Variants in DST observed in about 807,000 individuals in gnomAD.
DST encodes the protein dystonin.
A neutral mutation model predicts 875.2 loss-of-function variants in DST; 253 were observed. The ratio of observed to expected loss-of-function variants is 0.29; its 90% CI spans 0.26 to 0.32. The LOEUF is 0.32. DST is among the 10% of genes least tolerant of loss of function. The pLI, the probability that DST is intolerant of heterozygous loss-of-function variation, is 1.00. For synonymous variants in DST, 3,124 were observed against 3,197.1 expected (o/e 0.98, Z 0.77); for missense variants, 8,287 against 9,111.6 (o/e 0.91, Z 3.68).
chr6:56,938,657 T>G (rs1212161390), intron 2 of DST, among the ~76,000 whole-genome samples: 2 of 152,216 alleles, frequency 1.3e-5, no homozygotes, highest in African/African-American at 4.8e-5. Flanking sequence ...AGGACTCTTC[T>G]CTACCCACTG....
intron 3 of DST, chr6:56,871,074 A>G (rs1262159966): frequency 2.0e-6 from 1 of 497,328 alleles, no homozygotes; most frequent in East Asian, 3.6e-5. Flanking sequence ...AAATGGACAG[A>G]CATTTTGCAG....
At chr6:56,716,138 G>C (rs951326127) in intron 5 of DST, among the ~76,000 whole-genome samples, 1 of 152,300 alleles carries the variant, frequency 6.6e-6, no homozygotes, top group African/African-American at 2.4e-5. Flanking sequence ...TGGCTGGAAA[G>C]TGTCTAGATA....
chr6:56,560,357 G>A lies in DST; in HGVS notation c.14377C>T (p.Leu4793=), dbSNP rs1425777280. The A allele has an allele frequency of 1.9e-6, 3 of 1,609,066 alleles. No individual in the cohort carries two copies. Among genetic ancestry groups the A allele is most frequent in the Non-Finnish European group, 8.5e-7 (1 of 1,177,392 alleles). The change falls in exon 58 of 104, where the codon CTG becomes TTG. Residue 4793 remains leucine (L), a synonymous_variant. Transcript: ENST00000680361. ...GGAGTATCTGGGTTCTCCTCCAACA[G>A]CTCTGTCAATTTGTCTTTCAACTCC... ...VQELKDKLTE[L]LEENPDTPEA...
intron 66 of DST, 101 bp downstream of exon 66, chr6:56,529,347 C>A: frequency 1.0e-6 from 1 of 993,864 alleles, no homozygotes; most frequent in Non-Finnish European, 1.4e-6. Flanking sequence ...TACAGCAATT[C>A]ATCGAAATCA....
At chr6:56,651,692 T>A (rs2098976607) in intron 10 of DST, among the ~76,000 whole-genome samples, 1 of 152,170 alleles carries the variant, frequency 6.6e-6, no homozygotes, top group African/African-American at 2.4e-5. Flanking sequence ...TCTTCTATAA[T>A]CCTAGTCATT....
At chr6:56,850,645 C>T (rs952261177) in intron 4 of DST, among the ~76,000 whole-genome samples, 21 of 152,168 alleles carry the variant, frequency 1.4e-4, no homozygotes, top group African/African-American at 5.1e-4. Context: ...CTGGAAGCAC[C>T]TCTCATGCAC....
At chr6:56,824,828 A>C (rs2099777936) in intron 4 of DST, among the ~76,000 whole-genome samples, 1 of 151,218 alleles carries the variant, frequency 6.6e-6, no homozygotes, top group Non-Finnish European at 1.5e-5. Context: ...CCGTCTGAGA[A>C]GTGAGGAGCG....
chr6:56,490,080 T>A (rs536862462), intron 85 of DST, among the ~76,000 whole-genome samples: 1 of 152,254 alleles, frequency 6.6e-6, no homozygotes, highest in South Asian at 2.1e-4. Flanking sequence ...GCTTGTAAAT[T>A]GATTTTTTAA....
rs571959942 is a variant in DST, at chr6:56,550,243, T to G, written c.16608+1941A>C. Among the ~76,000 whole-genome samples, 347 of 152,126 alleles carry G rather than the reference T, an allele frequency of 2.3e-3. 1 individual carries two copies. The highest frequency in any genetic ancestry group is 6.8e-3 in the Middle Eastern group (2 of 294). ...GCAGAGTATTTGTCTACTTGAAAAC[T>G]TTTTTTTCAAGTCACTGGGTTTCAA... On this transcript the variant is annotated intron_variant, in intron 61 of 103. Coordinates refer to ENST00000680361, the MANE Select transcript of DST (RefSeq NM_001374736.1).
intron 39 of DST, among the ~76,000 whole-genome samples, chr6:56,609,681 C>G (rs2098528057): frequency 6.6e-6 from 1 of 152,026 alleles, no homozygotes; most frequent in Non-Finnish European, 1.5e-5. Context: ...GAAGGCAAAC[C>G]ATGCTTTCTG....
At chr6:56,767,995 G>A (rs1194722082) in intron 4 of DST, among the ~76,000 whole-genome samples, 4 of 152,136 alleles carry the variant, frequency 2.6e-5, no homozygotes, top group Admixed American at 6.5e-5. Context: ...ATTAAAAGAT[G>A]AAGCTAAAGA....
chr6:56,732,666 G>A (rs1424720731), intron 5 of DST, among the ~76,000 whole-genome samples: 2 of 152,080 alleles, frequency 1.3e-5, no homozygotes, highest in African/African-American at 4.8e-5. Context: ...AATTGACCAC[G>A]CCAGTATCAA....
At chr6:56,538,190 A>G (rs1460738630) in intron 61 of DST, among the ~76,000 whole-genome samples, 1 of 152,048 alleles carries the variant, frequency 6.6e-6, no homozygotes, top group African/African-American at 2.4e-5. Flanking sequence ...GGGTCCCACT[A>G]TGTTGTCCAG....
At position 56,603,692 on chromosome 6, in the gene DST, A is replaced by C; in HGVS notation, c.10813T>G (p.Cys3605Gly). The C allele has an allele frequency of 6.2e-7, 1 of 1,601,360 alleles. No homozygotes were observed. The highest frequency in any genetic ancestry group is 8.5e-7 in the Non-Finnish European group (1 of 1,176,054). Residue 3605 changes from cysteine to glycine, a missense_variant, in exon 41 of 104, where the codon TGT (cysteine) becomes GGT (glycine). Cys to Gly is a radical substitution (Grantham distance 159). Transcript: ENST00000680361. ...TGCATTTTTTCAGTGTGCTGTAAAC[A>C]CTGCTGTAATTCACTGGAAAACTAA... Reference protein sequence around the residue: ...TEQFSSELQQCLQHTEKMHEY... With the variant: ...TEQFSSELQQGLQHTEKMHEY...
chr6:56,869,888 G>T (rs1192489263), intron 3 of DST, among the ~76,000 whole-genome samples: 1 of 151,864 alleles, frequency 6.6e-6, no homozygotes, highest in Non-Finnish European at 1.5e-5. Flanking sequence ...GTCTTGTTAT[G>T]TTGCCCAGGC....
intron 3 of DST, among the ~76,000 whole-genome samples, chr6:56,883,521 A>C (rs557377790): frequency 2.6e-5 from 4 of 152,322 alleles, no homozygotes; most frequent in Admixed American, 2.0e-4. Flanking sequence ...TTAATAATAA[A>C]TATCTAAAAT....
intron 4 of DST, among the ~76,000 whole-genome samples, chr6:56,746,183 C>T (rs2099571883): frequency 6.6e-6 from 1 of 151,860 alleles, no homozygotes. Context: ...TAGGATCTCC[C>T]TTTTTTTGTC....
intron 10 of DST, among the ~76,000 whole-genome samples, chr6:56,668,272 T>C (rs1354042425): frequency 6.6e-6 from 1 of 152,240 alleles, no homozygotes; most frequent in Non-Finnish European, 1.5e-5. Flanking sequence ...AATATGATGA[T>C]GGCTGTGTCT....
At chr6:56,784,608 T>C (rs958327917) in intron 4 of DST, among the ~76,000 whole-genome samples, 3 of 152,208 alleles carry the variant, frequency 2.0e-5, no homozygotes, top group African/African-American at 7.2e-5. Context: ...GTATTGGTTA[T>C]TGTAGTTATA....
Sources: gnomAD v4.1 joint callset for allele counts (sites outside exome capture counted in the v4.1 genomes callset) on GRCh38, gnomAD v4.1.1 for gene constraint, MANE v1.5 for transcripts, NCBI Gene and HGNC (gene_info 2026-07-23, HGNC 2026-07-21) for gene names.